Variants in ENO1 observed in about 807,000 individuals in gnomAD.
ENO1 encodes the protein alpha-enolase.
In ENO1, 33 loss-of-function variants were observed where a neutral mutation model predicts 46.3. The observed-to-expected ratio is 0.71, with a 90% confidence interval of 0.54 to 0.95. ENO1 has a LOEUF of 0.95. ENO1 is among the 40% of genes least tolerant of loss of function. The probability of loss-of-function intolerance (pLI) is 0.00; values close to 1 mark genes in which losing one functional copy is unlikely to be tolerated. For synonymous variants in ENO1, 220 were observed against 216.0 expected, an observed-to-expected ratio of 1.02 and a Z score of -0.16; for missense variants, 488 against 553.3, an observed-to-expected ratio of 0.88 and a Z score of 1.18.
At chr1:8,863,022 C>G in intron 10 of ENO1, 77 bp from the exon 11 acceptor site, 7 of 1,563,232 alleles carry the variant, frequency 4.5e-6, no homozygotes, top group South Asian at 3.4e-5. Flanking sequence ...GGTGTGGTGT[C>G]AGAGAGAGAA....
intron 3 of ENO1, 67 bp from the exon 4 acceptor site, chr1:8,870,577 A>G (rs1642609887): frequency 6.2e-7 from 1 of 1,607,870 alleles, no homozygotes; most frequent in Non-Finnish European, 8.5e-7. Context: ...GCATTGTTAG[A>G]GAGAACCACT....
At chr1:8,861,954 T>G (rs1642414779) in intron 11 of ENO1, among the ~76,000 whole-genome samples, 1 of 150,806 alleles carries the variant, frequency 6.6e-6, no homozygotes, top group South Asian at 2.1e-4. Context: ...GAGGTCAGCT[T>G]GACCAATATG....
rs1211950471 is a variant in ENO1, at chr1:8,878,653, C to A, written c.-83G>T. ...GACACCGAGGTGAACGTAAAGCCGG[C>A]GAGATCTCCGTGCTCCGGGTACCCA... On this transcript the variant is annotated 5_prime_UTR_variant, in exon 1 of 12. Coordinates refer to ENST00000234590, the MANE Select transcript of ENO1 (RefSeq NM_001428.5). 8 of 455,988 alleles carry A rather than the reference C, an allele frequency of 1.8e-5. No individual in the cohort carries two copies. The East Asian group carries it at 2.8e-4, about 16-fold the overall frequency. 28.2% of individuals were successfully genotyped at this position (455,988 alleles called of 1,614,324 possible).
In ENO1 at chr1:8,861,317, C is replaced by G; in HGVS notation, c.*43G>C. The G allele has an allele frequency of 1.2e-6, 2 of 1,606,032 alleles. No individual in the cohort carries two copies. The highest frequency in any genetic ancestry group is 1.7e-6 in the Non-Finnish European group (2 of 1,173,966). Reference sequence around the variant, plus strand: ...CCTGAGCTGACACGAGGGGAGGGGTCTGTGTAGCCAACAGGTGACCGAAGG... The same window carrying G: ...CCTGAGCTGACACGAGGGGAGGGGTGTGTGTAGCCAACAGGTGACCGAAGG... On this transcript the variant is annotated 3_prime_UTR_variant, in exon 12 of 12. Transcript: ENST00000234590.
At chr1:8,873,036 G>A (rs1642665218) in intron 2 of ENO1, among the ~76,000 whole-genome samples, 1 of 152,198 alleles carries the variant, frequency 6.6e-6, no homozygotes. Flanking sequence ...ACCCAGCAGT[G>A]TTCCCTGCTG....
Position 8,865,397 on chromosome 1 carries a change from G to C in ENO1, c.753C>G (p.Phe251Leu), listed in dbSNP as rs1557580086. 1.2e-6 allele frequency: 2 copies of C among 1,614,170 alleles called. No individual in the cohort carries two copies. Among genetic ancestry groups the C allele is most frequent in the Non-Finnish European group, 1.7e-6 (2 of 1,180,044 alleles). ...VIGMDVAASEFFRSGKYDLDF... is the reference protein window; with the variant it reads ...VIGMDVAASELFRSGKYDLDF... ...CCAGGTCATACTTCCCAGACCTGAA[G>C]AACTCGGAGGCCGCTACGTCCATGC... is the stretch of plus-strand genomic sequence containing the variant. The change falls in exon 8 of 12, where the codon TTC (phenylalanine) becomes TTG (leucine). Residue 251 changes from phenylalanine (F) to leucine (L), a missense_variant. Coordinates refer to ENST00000234590, the MANE Select transcript of ENO1 (RefSeq NM_001428.5).
intron 4 of ENO1, among the ~76,000 whole-genome samples, chr1:8,869,456 A>G (rs1008381811): frequency 1.3e-5 from 2 of 151,870 alleles, no homozygotes; most frequent in Non-Finnish European, 2.9e-5. Flanking sequence ...CAACAAAGGA[A>G]CTCCTCCTTT....
At chr1:8,867,510 CA>C (rs1188695783) in intron 5 of ENO1, among the ~76,000 whole-genome samples, 1 of 152,154 alleles carries the variant, frequency 6.6e-6, no homozygotes. Context: ...ACCAAACTGA[CA>C]GGCTATTGTC....
intron 2 of ENO1, among the ~76,000 whole-genome samples, chr1:8,873,275 A>G (rs542458138): frequency 6.6e-6 from 1 of 152,316 alleles, no homozygotes; most frequent in African/African-American, 2.4e-5. Flanking sequence ...TCATGGGTTT[A>G]TGTACCTCTG....
At chr1:8,862,726 TC>T (rs1642432080) in intron 11 of ENO1, among the ~76,000 whole-genome samples, 160 bp downstream of exon 11, 1 of 152,172 alleles carries the variant, frequency 6.6e-6, no homozygotes, top group Non-Finnish European at 1.5e-5. Context: ...CCTAACTCTG[TC>T]CTGACCTAAG....
At chr1:8,878,559 C>T (rs1442996758) in intron 1 of ENO1, 21 bp downstream of exon 1, 1 of 455,448 alleles carries the variant, frequency 2.2e-6, no homozygotes, top group South Asian at 1.5e-5. Context: ...GCCCGTTGCT[C>T]AGCCCTTCCC....
At chr1:8,874,992 T>C in intron 1 of ENO1, 75 bp from the exon 2 acceptor site, 1 of 1,294,416 alleles carries the variant, frequency 7.7e-7, no homozygotes, top group Non-Finnish European at 1.1e-6. Context: ...AAGGAATCAC[T>C]TCCGAGGTTC....
intron 9 of ENO1, 100 bp from the exon 10 acceptor site, chr1:8,863,443 G>T: frequency 8.8e-7 from 1 of 1,139,334 alleles, no homozygotes; most frequent in Non-Finnish European, 1.2e-6. Flanking sequence ...GCAGTGGAGG[G>T]GCTGTTAATG....
chr1:8,870,735 G>A lies in ENO1; in HGVS notation c.182-225C>T, dbSNP rs2124089712. On this transcript the variant is annotated intron_variant, in intron 3 of 11. Coordinates refer to ENST00000234590, the MANE Select transcript of ENO1 (RefSeq NM_001428.5). ...AGGGTTAGAGCCACACAAAACAGCA[G>A]CTGGCTCAGAACGATCTGACTGGAG... 4 of 1,428,284 alleles carry A rather than the reference G, an allele frequency of 2.8e-6. No individual in the cohort carries two copies. In the East Asian group the frequency reaches 1.0e-4, roughly 36 times the overall value. 88.5% of individuals were successfully genotyped at this position (1,428,284 alleles called of 1,614,324 possible).
At chr1:8,875,215 C>T (rs570688521) in intron 1 of ENO1, among the ~76,000 whole-genome samples, 7 of 151,972 alleles carry the variant, frequency 4.6e-5, no homozygotes, top group Non-Finnish European at 7.4e-5. Flanking sequence ...CAAGTCATTG[C>T]CAAGGTCTGA....
intron 7 of ENO1, 51 bp downstream of exon 7, chr1:8,866,228 G>GA: frequency 6.4e-7 from 1 of 1,570,258 alleles, no homozygotes; most frequent in Non-Finnish European, 8.7e-7. Flanking sequence ...CCCAACAGAG[G>GA]GAGCTGGCGC....
intron 7 of ENO1, 186 bp downstream of exon 7, chr1:8,866,093 A>AG: frequency 1.8e-6 from 1 of 543,190 alleles, no homozygotes; most frequent in Non-Finnish European, 3.2e-6. Flanking sequence ...AAAAAAAAAA[A>AG]GAAAAAAATA....
intron 3 of ENO1, chr1:8,871,234 C>A: frequency 9.7e-7 from 1 of 1,026,904 alleles, no homozygotes; most frequent in Non-Finnish European, 1.2e-6. Flanking sequence ...ATTGTCCCCT[C>A]CCTGCAGCCT....
chr1:8,872,095 C>T, intron 2 of ENO1, 109 bp from the exon 3 acceptor site: 2 of 865,278 alleles, frequency 2.3e-6, no homozygotes, highest in Middle Eastern at 2.2e-4. Flanking sequence ...GCTGTTTCTT[C>T]CTCCTACCAG....
Sources: allele counts gnomAD v4.1 joint callset (sites outside exome capture counted in the v4.1 genomes callset), GRCh38; gene constraint gnomAD v4.1.1; transcripts MANE v1.5; gene names NCBI Gene and HGNC (gene_info 2026-07-23, HGNC 2026-07-21).